PAX5: variants seen among roughly 807,000 people sequenced by gnomAD.
The protein encoded by PAX5 is paired box 5.
PAX5 carries 9 observed loss-of-function variants against 43.7 expected under a neutral mutation model. The ratio of observed to expected loss-of-function variants is 0.21; its 90% CI spans 0.12 to 0.36. PAX5 has a LOEUF of 0.36. Ranked by LOEUF, PAX5 falls within the 10% of genes least tolerant of loss-of-function variation. The probability of loss-of-function intolerance (pLI) is 1.00; values close to 1 mark genes in which losing one functional copy is unlikely to be tolerated. For synonymous variants in PAX5, 228 were observed against 214.3 expected (o/e 1.06, Z -0.56); for missense variants, 383 against 532.7 (o/e 0.72, Z 2.77).
Position 36,840,543 on chromosome 9 carries a change from C to T in PAX5, c.*17G>A, listed in dbSNP as rs1409584114. ...AATAGGTGCCATCAGTGTTTGGTGC[C>T]CGCCTGGCTCCAAGGGTCAGTGACG... On this transcript the variant is annotated 3_prime_UTR_variant, in exon 10 of 10. Coordinates refer to ENST00000358127, the MANE Select transcript of PAX5 (RefSeq NM_016734.3). The T allele has an allele frequency of 6.3e-7, 1 of 1,575,314 alleles. No individual in the cohort carries two copies. The highest frequency in any genetic ancestry group is 8.6e-7 in the Non-Finnish European group (1 of 1,161,106).
chr9:36,967,516 G>A (rs1564020654), intron 5 of PAX5, among the ~76,000 whole-genome samples: 2 of 152,236 alleles, frequency 1.3e-5, no homozygotes, highest in Non-Finnish European at 2.9e-5. Context: ...GAAAAGGAAT[G>A]AGGCTTCCTT....
chr9:36,949,731 C>T (rs751139283), intron 6 of PAX5, among the ~76,000 whole-genome samples: 7 of 152,222 alleles, frequency 4.6e-5, no homozygotes, highest in Non-Finnish European at 1.0e-4. Flanking sequence ...GTAGAAAGCA[C>T]ACCACCGTCC....
intron 6 of PAX5, among the ~76,000 whole-genome samples, chr9:36,926,866 G>T (rs1830682703): frequency 1.3e-5 from 2 of 152,134 alleles, no homozygotes. Context: ...AGACACATTG[G>T]CCCAGAAATT....
chr9:36,856,303 G>A (rs1331446137), intron 8 of PAX5, among the ~76,000 whole-genome samples: 2 of 152,204 alleles, frequency 1.3e-5, no homozygotes, highest in Non-Finnish European at 2.9e-5. Flanking sequence ...GAGACAGCAA[G>A]GCAGAGAAAG....
At chr9:36,856,828 A>G (rs909306587) in intron 8 of PAX5, among the ~76,000 whole-genome samples, 2 of 152,356 alleles carry the variant, frequency 1.3e-5, no homozygotes, top group Admixed American at 1.3e-4. Context: ...ACCAGACTGA[A>G]GCCGGATTAC....
chr9:36,998,698 C>A (rs1837603930), intron 5 of PAX5, among the ~76,000 whole-genome samples: 1 of 152,124 alleles, frequency 6.6e-6, no homozygotes, highest in Non-Finnish European at 1.5e-5. Flanking sequence ...ATATTTGTCC[C>A]ACTAAACACA....
intron 8 of PAX5, among the ~76,000 whole-genome samples, chr9:36,870,976 A>C (rs1370602842): frequency 6.6e-6 from 1 of 152,132 alleles, no homozygotes; most frequent in Non-Finnish European, 1.5e-5. Flanking sequence ...CTAGGACTTC[A>C]GCCTCTCCTT....
At chr9:36,895,435 C>T (rs183956208) in intron 7 of PAX5, among the ~76,000 whole-genome samples, 16 of 152,240 alleles carry the variant, frequency 1.1e-4, no homozygotes, top group African/African-American at 3.4e-4. Flanking sequence ...CTCAGCCTAG[C>T]GGTGAAGGGC....
At position 36,988,395 on chromosome 9, in the gene PAX5, G is replaced by A. The variant is rs187165539; in HGVS notation, c.604+14253C>T. ...AATAAAATGATCATTAAAAAAGAAA[G>A]AAAGCCTGTAATCCTGGCATTTTGG... On this transcript the variant is annotated intron_variant, in intron 5 of 9. Transcript: ENST00000358127. Among the ~76,000 whole-genome samples the A allele has an allele frequency of 1.6e-4, 24 of 152,154 alleles. No homozygotes were observed. The East Asian group carries it at 4.6e-3, about 29-fold the overall frequency.
At position 36,998,340 on chromosome 9, in the gene PAX5, CTAGT is replaced by C. The variant is rs1837566303; in HGVS notation, c.604+4304_604+4307del. Among the ~76,000 whole-genome samples the C allele has an allele frequency of 3.3e-5, 5 of 152,342 alleles. No individual in the cohort carries two copies. In the South Asian group the frequency reaches 1.0e-3, roughly 32 times the overall value. ...GCCAATCCACTGGCCTAACAATATT[CTAGT>C]TAGTTTGTTTGTCTTTGCTCCAGAA... On this transcript the variant is annotated intron_variant, in intron 5 of 9. Transcript: ENST00000358127.
chr9:37,020,102 T>G (rs1041706958), intron 2 of PAX5, among the ~76,000 whole-genome samples: 2 of 151,300 alleles, frequency 1.3e-5, no homozygotes, highest in Non-Finnish European at 3.0e-5. Flanking sequence ...GTTTGGGTTT[T>G]TTTTTTTTCC....
At chr9:36,997,030 T>C (rs958287901) in intron 5 of PAX5, among the ~76,000 whole-genome samples, 3 of 151,958 alleles carry the variant, frequency 2.0e-5, no homozygotes, top group Non-Finnish European at 4.4e-5. Context: ...CAGAATGAGA[T>C]GCACCCCCAA....
At chr9:36,950,745 T>TTTTTC (rs1832931925) in intron 6 of PAX5, among the ~76,000 whole-genome samples, 1 of 146,190 alleles carries the variant, frequency 6.8e-6, no homozygotes, top group Non-Finnish European at 1.5e-5. Context: ...CTTTTTTTTT[T>TTTTTC]TTTTTTTTTT....
rs1482370735 is a variant in PAX5 at position 36,837,500 on chromosome 9, A to C, written c.*3060T>G. On this transcript the variant is annotated 3_prime_UTR_variant, in exon 10 of 10. Transcript: ENST00000358127. ...GAAATGCCCCAGGCCTTCTGCCACG[A>C]TGCTGGTGAGGCCCCGGACTTGTGT... The C allele has an allele frequency of 8.6e-6, 2 of 233,200 alleles. No homozygotes were observed. The highest frequency in any genetic ancestry group is 1.7e-5 in the Non-Finnish European group (2 of 118,062). The allele number at this position is 233,200 out of a possible 1,614,324, so 14.4% of individuals were successfully genotyped here.
At chr9:36,847,043 G>A (rs1041029906) in intron 8 of PAX5, 114 bp from the exon 9 acceptor site, 2 of 675,518 alleles carry the variant, frequency 3.0e-6, no homozygotes, top group African/African-American at 1.8e-5. Context: ...TCCGTGAGTT[G>A]CAGGCGCTTT....
At chr9:36,936,830 GCACA>G (rs60878828) in intron 6 of PAX5, among the ~76,000 whole-genome samples, 24 of 133,620 alleles carry the variant, frequency 1.8e-4, no homozygotes, top group East Asian at 1.2e-3. Flanking sequence ...ACACACACAT[GCACA>G]CACACACACA....
chr9:36,985,194 G>A (rs1836290156), intron 5 of PAX5, among the ~76,000 whole-genome samples: 2 of 152,284 alleles, frequency 1.3e-5, no homozygotes, highest in South Asian at 2.1e-4. Context: ...TGGCACCAGG[G>A]ATCTCTGAGT....
chr9:36,904,389 C>T (rs1193095220), intron 7 of PAX5, among the ~76,000 whole-genome samples: 1 of 152,082 alleles, frequency 6.6e-6, no homozygotes, highest in African/African-American at 2.4e-5. Flanking sequence ...CAGAGGCATA[C>T]GAAAGGAACT....
chr9:36,900,659 G>A (rs923112387), intron 7 of PAX5, among the ~76,000 whole-genome samples: 2 of 151,696 alleles, frequency 1.3e-5, no homozygotes, highest in South Asian at 2.1e-4. Context: ...CCTCCATGGC[G>A]TCCTCCTCCT....
Sources: allele counts gnomAD v4.1 joint callset (sites outside exome capture counted in the v4.1 genomes callset), GRCh38; gene constraint gnomAD v4.1.1; transcripts MANE v1.5; gene names NCBI Gene and HGNC (gene_info 2026-07-23, HGNC 2026-07-21).